Variants in GRID2 observed in about 807,000 individuals in gnomAD.
The protein encoded by GRID2 is glutamate receptor ionotropic, delta-2.
GRID2 carries 33 observed loss-of-function variants against 114.8 expected under a neutral mutation model. The observed-to-expected ratio is 0.29, with a 90% confidence interval of 0.22 to 0.38. GRID2 has a LOEUF of 0.38. GRID2 is among the 10% of genes least tolerant of loss of function. The pLI is 1.00. For missense variants in GRID2, 1,184 were observed against 1,257.7 expected, an observed-to-expected ratio of 0.94 and a Z score of 0.89; for synonymous variants, 505 against 449.9, an observed-to-expected ratio of 1.12 and a Z score of -1.55.
At chr4:92,452,865 A>ATATATTTACCATATATAT (rs1721005491) in intron 1 of GRID2, among the ~76,000 whole-genome samples, 1 of 147,514 alleles carries the variant, frequency 6.8e-6, no homozygotes, top group African/African-American at 2.5e-5. Flanking sequence ...TACCATATAT[A>ATATATTTACCATATATAT]TTTTTTTACC....
intron 2 of GRID2, among the ~76,000 whole-genome samples, chr4:93,024,375 A>G (rs1560805420): frequency 2.0e-5 from 3 of 151,786 alleles, no homozygotes; most frequent in Admixed American, 2.0e-4. Context: ...CATAAATTAC[A>G]TATTTATACC....
intron 8 of GRID2, among the ~76,000 whole-genome samples, chr4:93,327,290 G>A (rs942765150): frequency 3.9e-5 from 6 of 152,100 alleles, no homozygotes; most frequent in African/African-American, 1.4e-4. Context: ...AGACATTAAA[G>A]GTCCAAAATA....
At chr4:92,359,057 T>C (rs1277724503) in intron 1 of GRID2, among the ~76,000 whole-genome samples, 4 of 149,622 alleles carry the variant, frequency 2.7e-5, no homozygotes, top group African/African-American at 5.1e-5. Context: ...ACAAATATTG[T>C]AGTTAAATTT....
intron 10 of GRID2, among the ~76,000 whole-genome samples, chr4:93,429,280 G>C (rs1250385113): frequency 2.6e-5 from 4 of 152,184 alleles, no homozygotes; most frequent in African/African-American, 9.7e-5. Flanking sequence ...ACAGTATATA[G>C]CAGAGTAGAA....
chr4:92,908,096 T>G (rs371857504), intron 2 of GRID2, among the ~76,000 whole-genome samples: 2 of 152,116 alleles, frequency 1.3e-5, no homozygotes, highest in Non-Finnish European at 1.5e-5. Flanking sequence ...AAAATCTCAG[T>G]GCTAAGCATT....
chr4:93,013,934 A>T (rs1722430684), intron 2 of GRID2, among the ~76,000 whole-genome samples: 1 of 152,028 alleles, frequency 6.6e-6, no homozygotes, highest in Non-Finnish European at 1.5e-5. Flanking sequence ...ATGATAAAAT[A>T]TTGAATAATA....
chr4:92,827,661 A>C (rs1232640784), intron 2 of GRID2, among the ~76,000 whole-genome samples: 1 of 152,034 alleles, frequency 6.6e-6, no homozygotes, highest in Non-Finnish European at 1.5e-5. Flanking sequence ...ACTCACACTT[A>C]ATTGTTGCAT....
intron 1 of GRID2, among the ~76,000 whole-genome samples, chr4:92,414,145 TTGC>T (rs1263055344): frequency 1.3e-5 from 2 of 152,196 alleles, no homozygotes; most frequent in African/African-American, 4.8e-5. Flanking sequence ...CTTGAGAATC[TTGC>T]TGCACCTTGT....
At chr4:93,310,624 A>G (rs1040811655) in intron 8 of GRID2, among the ~76,000 whole-genome samples, 15 of 152,204 alleles carry the variant, frequency 9.9e-5, no homozygotes, top group African/African-American at 3.6e-4. Flanking sequence ...TTGAGTTGAA[A>G]GTGTTGAATT....
At chr4:93,759,164 T>C (rs1184314568) in intron 14 of GRID2, among the ~76,000 whole-genome samples, 1 of 152,176 alleles carries the variant, frequency 6.6e-6, no homozygotes, top group Non-Finnish European at 1.5e-5. Flanking sequence ...ATATAATAAT[T>C]AAAGTTCACT....
At chr4:92,588,334 A>C (rs185713979) in intron 1 of GRID2, among the ~76,000 whole-genome samples, 1 of 152,226 alleles carries the variant, frequency 6.6e-6, no homozygotes, top group African/African-American at 2.4e-5. Context: ...TATTCTCACT[A>C]GTAAACATCT....
intron 2 of GRID2, among the ~76,000 whole-genome samples, chr4:92,626,386 A>G (rs1346761973): frequency 1.3e-5 from 2 of 152,024 alleles, no homozygotes; most frequent in African/African-American, 4.8e-5. Context: ...GTTTTCTCTC[A>G]GGTTGTGTAA....
At chr4:92,626,070 A>T (rs1730507283) in intron 2 of GRID2, among the ~76,000 whole-genome samples, 1 of 151,988 alleles carries the variant, frequency 6.6e-6, no homozygotes, top group Non-Finnish European at 1.5e-5. Flanking sequence ...AAAATACAAA[A>T]ATAATATTTT....
intron 2 of GRID2, among the ~76,000 whole-genome samples, chr4:92,932,279 GA>G (rs1750299233): frequency 6.6e-6 from 1 of 151,246 alleles, no homozygotes; most frequent in African/African-American, 2.4e-5. Context: ...ATGTGAGTAT[GA>G]AAAATATGCT....
At chr4:92,888,199 G>A (rs1224150558) in intron 2 of GRID2, among the ~76,000 whole-genome samples, 6 of 151,964 alleles carry the variant, frequency 3.9e-5, no homozygotes, top group African/African-American at 1.5e-4. Context: ...TGTATCTATT[G>A]TTTAAAACTG....
At chr4:92,457,976 T>G (rs1216102100) in intron 1 of GRID2, among the ~76,000 whole-genome samples, 1 of 152,208 alleles carries the variant, frequency 6.6e-6, no homozygotes, top group Admixed American at 6.5e-5. Flanking sequence ...TAAGTGAAGT[T>G]ATTTTTCAGT....
At chr4:93,766,548 A>G (rs2110327905) in intron 14 of GRID2, among the ~76,000 whole-genome samples, 1 of 152,326 alleles carries the variant, frequency 6.6e-6, no homozygotes, top group South Asian at 2.1e-4. Context: ...TCACAAGGCT[A>G]CTGACCAATA....
chr4:93,326,106 C>A (rs1757808259), intron 8 of GRID2, among the ~76,000 whole-genome samples: 1 of 152,020 alleles, frequency 6.6e-6, no homozygotes, highest in Admixed American at 6.6e-5. Flanking sequence ...TTTTAACAGT[C>A]AGGGTTTAGT....
chr4:92,842,755 G>A (rs986292468), intron 2 of GRID2, among the ~76,000 whole-genome samples: 4 of 152,108 alleles, frequency 2.6e-5, no homozygotes, highest in African/African-American at 4.8e-5. Flanking sequence ...TTACAGGCAT[G>A]AGCCACCATG....
Sources: gnomAD v4.1 joint callset for allele counts (sites outside exome capture counted in the v4.1 genomes callset) on GRCh38, gnomAD v4.1.1 for gene constraint, MANE v1.5 for transcripts, NCBI Gene and HGNC (gene_info 2026-07-23, HGNC 2026-07-21) for gene names.